The following EPHA3 variants were observed in gnomAD, a reference collection of about 807,000 sequenced individuals.
EPHA3 encodes EPH receptor A3, also known as ephrin type-A receptor 3.
A neutral mutation model predicts 107.1 loss-of-function variants in EPHA3; 42 were observed. That is an observed-to-expected ratio of 0.39 (90% confidence interval 0.31 to 0.51). The LOEUF (loss-of-function observed/expected upper bound fraction) is 0.51. Ranked by LOEUF, EPHA3 falls within the 20% of genes least tolerant of loss-of-function variation. The pLI is 0.78. For synonymous variants in EPHA3, 461 were observed against 424.8 expected (o/e 1.09, Z -1.05); for missense variants, 1,183 against 1,211.2 (o/e 0.98, Z 0.35).
intron 2 of EPHA3, among the ~76,000 whole-genome samples, chr3:89,158,070 G>T (rs1180104557): frequency 6.6e-6 from 1 of 151,924 alleles, no homozygotes; most frequent in East Asian, 1.9e-4. Context: ...GTATACCATT[G>T]CTTCACAAAT....
intron 3 of EPHA3, among the ~76,000 whole-genome samples, chr3:89,336,688 A>G (rs1707399132): frequency 6.6e-6 from 1 of 152,120 alleles, no homozygotes; most frequent in Admixed American, 6.6e-5. Flanking sequence ...GTGAAATTGA[A>G]AAATTCCCAC....
rs78598016 is a variant in EPHA3, at chr3:89,307,959, G to A, written c.815-32957G>A. On this transcript the variant is annotated intron_variant, in intron 3 of 16. Transcript: ENST00000336596. Reference sequence around the variant, plus strand: ...GTGGAATAAAATGTAGCTGACAGTTGTGATTTACGATAGCATCTAGAAATT... The same window carrying A: ...GTGGAATAAAATGTAGCTGACAGTTATGATTTACGATAGCATCTAGAAATT... 2.0e-5 allele frequency among the ~76,000 whole-genome samples: 3 copies of A among 152,120 alleles called. No homozygotes were observed. In the East Asian group the frequency reaches 5.8e-4, roughly 29 times the overall value.
At chr3:89,397,579 C>T (rs1461154547) in intron 6 of EPHA3, among the ~76,000 whole-genome samples, 6 of 148,078 alleles carry the variant, frequency 4.1e-5, no homozygotes, top group African/African-American at 1.5e-4. Flanking sequence ...AGCATCATTG[C>T]CTTTTTTTTT....
In EPHA3 at chr3:89,197,546, A is replaced by G. The variant is rs140176400; in HGVS notation, c.154-12314A>G. 9.9e-3 allele frequency among the ~76,000 whole-genome samples: 1,513 copies of G among 152,242 alleles called. 12 individuals are homozygous for G. The highest frequency in any genetic ancestry group is 0.027 in the East Asian group (142 of 5,186). ...TTTACTTTTAAAAAAGATAATAGTG[A>G]AAAGAAGTGAAGTCAAGTGTCTAAT... is the stretch of plus-strand genomic sequence containing the variant. On this transcript the variant is annotated intron_variant, in intron 2 of 16. Coordinates refer to ENST00000336596, the MANE Select transcript of EPHA3 (RefSeq NM_005233.6).
intron 1 of EPHA3, 86 bp downstream of exon 1, chr3:89,107,922 G>T: frequency 7.5e-7 from 1 of 1,333,390 alleles, no homozygotes; most frequent in Non-Finnish European, 1.1e-6. Context: ...CTTGCACGTC[G>T]GGAAGGTGCC....
chr3:89,192,543 CT>C (rs1705745233), intron 2 of EPHA3, among the ~76,000 whole-genome samples: 1 of 151,832 alleles, frequency 6.6e-6, no homozygotes, highest in Non-Finnish European at 1.5e-5. Context: ...AATAAAATGA[CT>C]GTAGGATTTA....
intron 5 of EPHA3, among the ~76,000 whole-genome samples, chr3:89,357,199 C>T (rs989536255): frequency 2.8e-5 from 4 of 143,760 alleles, no homozygotes; most frequent in Non-Finnish European, 6.1e-5. Context: ...GGGAAGAAAC[C>T]AGGTGGCAAC....
intron 1 of EPHA3, among the ~76,000 whole-genome samples, chr3:89,120,356 A>T (rs770756841): frequency 6.6e-6 from 1 of 152,212 alleles, no homozygotes; most frequent in East Asian, 1.9e-4. Context: ...ATGATTCATA[A>T]TATCAGTTAA....
chr3:89,134,226 A>ATTT (rs1559746527), intron 2 of EPHA3, among the ~76,000 whole-genome samples: 57 of 149,506 alleles, frequency 3.8e-4, no homozygotes, highest in Middle Eastern at 6.8e-3. Flanking sequence ...TTTTTTTTTA[A>ATTT]AAAAATTATA....
At chr3:89,379,561 T>C (rs558696788) in intron 5 of EPHA3, among the ~76,000 whole-genome samples, 31 of 152,128 alleles carry the variant, frequency 2.0e-4, no homozygotes, top group African/African-American at 7.5e-4. Flanking sequence ...ATTCCAGTTA[T>C]AATTGTCAAG....
chr3:89,360,188 A>G (rs1439645757), intron 5 of EPHA3, among the ~76,000 whole-genome samples: 2 of 150,818 alleles, frequency 1.3e-5, no homozygotes, highest in Non-Finnish European at 1.5e-5. Flanking sequence ...CTCCTACAAC[A>G]TAATGTGCTT....
chr3:89,362,125 G>A lies in EPHA3; in HGVS notation c.1306+20035G>A, dbSNP rs550959327. On this transcript the variant is annotated intron_variant, in intron 5 of 16. Transcript: ENST00000336596. ...TGAAATAATGTTTCAGAATTGTTTC[G>A]TTTTAAATAAGTGTGATGGTCCATC... 2.0e-4 allele frequency among the ~76,000 whole-genome samples: 30 copies of A among 151,040 alleles called. 1 individual carries two copies. The highest frequency in any genetic ancestry group is 1.3e-3 in the South Asian group (6 of 4,786).
At chr3:89,319,250 G>A (rs1216852689) in intron 3 of EPHA3, among the ~76,000 whole-genome samples, 1 of 151,898 alleles carries the variant, frequency 6.6e-6, no homozygotes, top group Non-Finnish European at 1.5e-5. Flanking sequence ...AAGAGAAGTA[G>A]GAGCAGAGAC....
intron 3 of EPHA3, among the ~76,000 whole-genome samples, chr3:89,338,738 G>A (rs1297034193): frequency 2.0e-5 from 3 of 152,074 alleles, no homozygotes; most frequent in East Asian, 3.9e-4. Context: ...TAGTAGGGAC[G>A]GGGTTTCACC....
intron 3 of EPHA3, among the ~76,000 whole-genome samples, chr3:89,330,970 G>A (rs1393386532): frequency 6.6e-6 from 1 of 152,048 alleles, no homozygotes; most frequent in Non-Finnish European, 1.5e-5. Context: ...AGAAGAAAAA[G>A]GAAGCTCTTA....
At chr3:89,352,656 C>T (rs1707854465) in intron 5 of EPHA3, among the ~76,000 whole-genome samples, 1 of 151,094 alleles carries the variant, frequency 6.6e-6, no homozygotes, top group South Asian at 2.1e-4. Context: ...GTAATTCCAG[C>T]ACTTTGGGAG....
chr3:89,130,883 G>T (rs1295757714), intron 2 of EPHA3, among the ~76,000 whole-genome samples: 2 of 152,156 alleles, frequency 1.3e-5, no homozygotes, highest in Non-Finnish European at 2.9e-5. Context: ...TGATCCGCCC[G>T]CCTTGGCCTC....
At chr3:89,155,408 T>C (rs1459708945) in intron 2 of EPHA3, among the ~76,000 whole-genome samples, 8 of 152,060 alleles carry the variant, frequency 5.3e-5, no homozygotes, top group African/African-American at 1.9e-4. Flanking sequence ...CTAGTGACAA[T>C]ATGTACTGTT....
At chr3:89,410,204 G>C (rs764005548) in intron 9 of EPHA3, among the ~76,000 whole-genome samples, 1 of 151,894 alleles carries the variant, frequency 6.6e-6, no homozygotes, top group African/African-American at 2.4e-5. Context: ...GGATGGAAAA[G>C]AAATTCACCT....
Sources: allele counts gnomAD v4.1 joint callset (sites outside exome capture counted in the v4.1 genomes callset), GRCh38; gene constraint gnomAD v4.1.1; transcripts MANE v1.5; gene names NCBI Gene and HGNC (gene_info 2026-07-23, HGNC 2026-07-21).